Variants in GLG1 observed in about 807,000 individuals in gnomAD.
GLG1 encodes Golgi apparatus protein 1.
Under a neutral mutation model 160.5 loss-of-function variants are expected in GLG1, and 38 were observed. That is an observed-to-expected ratio of 0.24 (90% CI 0.18 to 0.31). The LOEUF (loss-of-function observed/expected upper bound fraction) is 0.31. Among genes scored for constraint, GLG1 ranks in the 10% least tolerant of loss-of-function variants. GLG1 has a pLI of 1.00. For synonymous variants in GLG1, 644 were observed against 543.4 expected, an observed-to-expected ratio of 1.19 and a Z score of -2.57; for missense variants, 1,373 against 1,505.2, an observed-to-expected ratio of 0.91 and a Z score of 1.45.
rs1453802823 is a variant in GLG1, at chr16:74,496,655, G to A, written c.775-11C>T. On this transcript the variant is annotated splice_polypyrimidine_tract_variant and intron_variant, in intron 4 of 25. Transcript: ENST00000422840. ...TTGTGAATGTGCATCCTAAAATAGC[G>A]AGGATATTAATATTTTAAAACTTTT... 6.3e-6 allele frequency: 10 copies of A among 1,578,380 alleles called. No homozygotes were observed. Among genetic ancestry groups the A allele is most frequent in the Admixed American group, 3.3e-5 (2 of 59,756 alleles).
chr16:74,450,835 G>T lies in GLG1; in HGVS notation c.*2332C>A, dbSNP rs1418246299. On this transcript the variant is annotated 3_prime_UTR_variant, in exon 26 of 26. Transcript: ENST00000422840. ...TGCACTGCAGCCTGGGCAACAGAGAGATACTCTGTCTCAAAAAAAAAAAAA... is the reference window on the plus strand; with the variant it reads ...TGCACTGCAGCCTGGGCAACAGAGATATACTCTGTCTCAAAAAAAAAAAAA... The T allele has an allele frequency of 6.9e-6, 1 of 145,058 alleles. No individual in the cohort carries two copies. Among genetic ancestry groups the T allele is most frequent in the South Asian group, 2.2e-4 (1 of 4,586 alleles). 9.0% of individuals were successfully genotyped at this position (145,058 alleles called of 1,614,324 possible). A position where few individuals can be genotyped will look rare whatever the true frequency, so the allele number is the denominator to read the frequency against.
intron 2 of GLG1, among the ~76,000 whole-genome samples, chr16:74,510,260 C>T (rs1221284625): frequency 2.6e-5 from 4 of 151,642 alleles, no homozygotes; most frequent in African/African-American, 9.7e-5. Flanking sequence ...TGAACTCCTG[C>T]CCTCAGGTGA....
intron 2 of GLG1, among the ~76,000 whole-genome samples, chr16:74,519,530 G>C (rs1269493935): frequency 1.4e-5 from 2 of 148,070 alleles, no homozygotes; most frequent in East Asian, 2.0e-4. Flanking sequence ...ATACATACTT[G>C]ATATTGATAA....
At chr16:74,463,544 C>T in intron 19 of GLG1, 65 bp from the exon 20 acceptor site, 4 of 1,355,828 alleles carry the variant, frequency 3.0e-6, no homozygotes, top group Non-Finnish European at 1.0e-6. Context: ...TCTGCGACCA[C>T]TTTTTTTTTT....
At chr16:74,524,671 A>G (rs2017281798) in intron 2 of GLG1, among the ~76,000 whole-genome samples, 1 of 152,196 alleles carries the variant, frequency 6.6e-6, no homozygotes, top group Non-Finnish European at 1.5e-5. Context: ...ATGACACAGT[A>G]CCAATCTGAA....
intron 24 of GLG1, 79 bp downstream of exon 24, chr16:74,457,795 T>G (rs1166234423): frequency 4.8e-5 from 65 of 1,358,200 alleles, no homozygotes; most frequent in Non-Finnish European, 6.3e-5. Flanking sequence ...CCACAGTAGC[T>G]GCAACTGATG....
chr16:74,488,744 C>T (rs1039620248), intron 8 of GLG1, among the ~76,000 whole-genome samples: 1 of 152,028 alleles, frequency 6.6e-6, no homozygotes, highest in Non-Finnish European at 1.5e-5. Context: ...CTCAGCCTCC[C>T]GAGTAGCTGG....
At chr16:74,484,769 AT>A (rs2015733459) in intron 9 of GLG1, among the ~76,000 whole-genome samples, 1 of 152,152 alleles carries the variant, frequency 6.6e-6, no homozygotes, top group Admixed American at 6.5e-5. Context: ...CTGTCTAAAA[AT>A]AAAAATAAAA....
At chr16:74,468,714 G>A in intron 17 of GLG1, 1 of 531,346 alleles carries the variant, frequency 1.9e-6, no homozygotes. Context: ...CTTAGTTAGA[G>A]CCTGTCTTAC....
intron 1 of GLG1, among the ~76,000 whole-genome samples, chr16:74,603,154 G>A (rs1958483541): frequency 1.3e-5 from 2 of 151,922 alleles, no homozygotes; most frequent in African/African-American, 4.8e-5. Context: ...GCTCATGACT[G>A]TAATCCCAGC....
intron 1 of GLG1, among the ~76,000 whole-genome samples, chr16:74,536,813 T>TA (rs2017699895): frequency 6.6e-6 from 1 of 152,196 alleles, no homozygotes; most frequent in African/African-American, 2.4e-5. Context: ...ATGACCAAGA[T>TA]AGAGGAAAAA....
chr16:74,504,476 C>T (rs942965386), intron 3 of GLG1, among the ~76,000 whole-genome samples: 7 of 152,018 alleles, frequency 4.6e-5, no homozygotes, highest in African/African-American at 1.2e-4. Flanking sequence ...TTAGTAGAGA[C>T]GGAGTTTTGT....
chr16:74,511,768 C>G (rs144492157), intron 2 of GLG1, among the ~76,000 whole-genome samples: 156 of 152,144 alleles, frequency 1.0e-3, no homozygotes, highest in Non-Finnish European at 1.8e-3. Context: ...GATTTTCCGC[C>G]AACAGACGTT....
chr16:74,462,404 G>A (rs538372901), intron 21 of GLG1, 84 bp downstream of exon 21: 4 of 1,306,122 alleles, frequency 3.1e-6, no homozygotes, highest in South Asian at 2.6e-5. Flanking sequence ...GAAAACGGGA[G>A]CAAGCTAGGG....
chr16:74,593,533 C>T (rs568723781), intron 1 of GLG1, among the ~76,000 whole-genome samples: 13 of 148,846 alleles, frequency 8.7e-5, no homozygotes, highest in South Asian at 4.4e-4. Flanking sequence ...CTCCCAGGTT[C>T]AAGCGATTCT....
chr16:74,539,069 C>A (rs544255944), intron 1 of GLG1, among the ~76,000 whole-genome samples: 3 of 150,814 alleles, frequency 2.0e-5, no homozygotes, highest in African/African-American at 7.3e-5. Flanking sequence ...GTGCCGATGG[C>A]TGAGAAAGTG....
At position 74,508,908 on chromosome 16, in the gene GLG1, C is replaced by T. The variant is rs552240753; in HGVS notation, c.489G>A (p.Lys163=). Residue 163 remains lysine, a synonymous_variant, in exon 3 of 26, where the codon AAG becomes AAA. Coordinates refer to ENST00000422840, the MANE Select transcript of GLG1 (RefSeq NM_001145667.2). The part of the protein sequence containing the change: ...SDCNHLLWNY[K]LNLTTDPKFE... ...ATTTGGGATCTGTAGTTAGGTTCAG[C>T]TTATAATTCCACAACAACTAGATAG... 2.1e-6 allele frequency: 3 copies of T among 1,449,018 alleles called. No homozygotes were observed. The African/African-American group carries it at 4.2e-5, about 20-fold the overall frequency. 89.8% of individuals were successfully genotyped at this position (1,449,018 alleles called of 1,614,324 possible).
intron 25 of GLG1, among the ~76,000 whole-genome samples, chr16:74,455,305 A>G (rs141072904): frequency 2.8e-4 from 43 of 152,264 alleles, no homozygotes; most frequent in African/African-American, 7.7e-4. Flanking sequence ...TTCTATGCTC[A>G]TATCACGTAC....
intron 1 of GLG1, chr16:74,563,101 C>G (rs1567525755): frequency 6.6e-6 from 1 of 152,234 alleles, no homozygotes; most frequent in East Asian, 1.9e-4. Context: ...TCATGAGACT[C>G]TTACCTCTCA....
Sources: gnomAD v4.1 joint callset for allele counts (sites outside exome capture counted in the v4.1 genomes callset) on GRCh38, gnomAD v4.1.1 for gene constraint, MANE v1.5 for transcripts, NCBI Gene and HGNC (gene_info 2026-07-23, HGNC 2026-07-21) for gene names.